Variants in DOCK1 observed in about 807,000 individuals in gnomAD.
DOCK1 encodes dedicator of cytokinesis 1, also known as dedicator of cytokinesis protein 1.
Under a neutral mutation model 262.7 loss-of-function variants are expected in DOCK1, and 138 were observed. The ratio of observed to expected loss-of-function variants is 0.53; its 90% CI spans 0.46 to 0.61. The LOEUF (loss-of-function observed/expected upper bound fraction) is 0.61, where lower values mean the gene tolerates loss of function less well. DOCK1 is among the 20% of genes least tolerant of loss of function. The probability of loss-of-function intolerance (pLI) is 0.00; values close to 1 mark genes in which losing one functional copy is unlikely to be tolerated. For synonymous variants in DOCK1, 866 were observed against 867.4 expected (o/e 1.00, Z 0.03); for missense variants, 1,908 against 2,370.7 (o/e 0.80, Z 4.05).
chr10:127,137,959 G>A (rs781443266), intron 27 of DOCK1: 2 of 1,613,862 alleles, frequency 1.2e-6, no homozygotes, highest in African/African-American at 1.3e-5. Flanking sequence ...TCCTCAATAG[G>A]GTGGAGTTTT....
intron 10 of DOCK1, among the ~76,000 whole-genome samples, chr10:127,004,263 AAAC>A (rs1218526770): frequency 6.6e-6 from 1 of 151,672 alleles, no homozygotes; most frequent in Non-Finnish European, 1.5e-5. Flanking sequence ...AAAGAAAACA[AAAC>A]AAAACAAAAC....
chr10:127,182,640 A>G (rs183280973), intron 27 of DOCK1, among the ~76,000 whole-genome samples: 10 of 152,350 alleles, frequency 6.6e-5, no homozygotes, highest in Admixed American at 5.9e-4. Flanking sequence ...ACATTATGTC[A>G]ATGTAAAAAA....
chr10:127,281,462 C>G (rs2060960392), intron 29 of DOCK1, among the ~76,000 whole-genome samples: 1 of 152,170 alleles, frequency 6.6e-6, no homozygotes. Flanking sequence ...CCTGGAAGAA[C>G]TCAGAAGGAC....
intron 29 of DOCK1, among the ~76,000 whole-genome samples, chr10:127,314,927 C>G (rs1375216560): frequency 2.6e-5 from 4 of 152,212 alleles, no homozygotes; most frequent in African/African-American, 9.7e-5. Context: ...CTGCCACTCA[C>G]ATGGGCAGAC....
Position 127,106,222 on chromosome 10 carries a change from G to C in DOCK1, c.2446-9G>C, listed in dbSNP as rs1234437050. 3.2e-6 allele frequency: 5 copies of C among 1,578,430 alleles called. No individual in the cohort carries two copies. Among genetic ancestry groups the C allele is most frequent in the Non-Finnish European group, 4.3e-6 (5 of 1,160,058 alleles). ...ATGCTGCTCAGCCTTCTTGTTTCTTGATTTGCAGGGGGCAGCACTGAAATA... is the reference window on the plus strand; with the variant it reads ...ATGCTGCTCAGCCTTCTTGTTTCTTCATTTGCAGGGGGCAGCACTGAAATA... On this transcript the variant is annotated splice_polypyrimidine_tract_variant and intron_variant, in intron 23 of 51. Transcript: ENST00000623213.
chr10:127,192,236 T>A (rs187902038), intron 27 of DOCK1, among the ~76,000 whole-genome samples: 2 of 152,274 alleles, frequency 1.3e-5, no homozygotes, highest in Admixed American at 1.3e-4. Flanking sequence ...GAATAAACAG[T>A]TCAGTGCTCT....
chr10:127,302,576 A>G (rs540601782), intron 29 of DOCK1, among the ~76,000 whole-genome samples: 1 of 152,204 alleles, frequency 6.6e-6, no homozygotes, highest in African/African-American at 2.4e-5. Flanking sequence ...ACCGTAGCCT[A>G]GAAATCGTAG....
At chr10:127,081,953 T>C (rs111567055) in intron 23 of DOCK1, among the ~76,000 whole-genome samples, 250 of 152,280 alleles carry the variant, frequency 1.6e-3, no homozygotes, top group Non-Finnish European at 2.7e-3. Flanking sequence ...GCGATGCTCA[T>C]ACATGTGGTG....
intron 27 of DOCK1, among the ~76,000 whole-genome samples, chr10:127,207,613 G>T (rs773342012): frequency 6.6e-6 from 1 of 152,132 alleles, no homozygotes; most frequent in African/African-American, 2.4e-5. Flanking sequence ...TATTATCTAC[G>T]TGTTGATTGA....
Position 127,451,492 on chromosome 10 carries a change from T to C in DOCK1, c.*65T>C, listed in dbSNP as rs1201528083. On this transcript the variant is annotated 3_prime_UTR_variant, in exon 52 of 52. Coordinates refer to ENST00000623213, the MANE Select transcript of DOCK1 (RefSeq NM_001290223.2). ...CATCTCCATGCCCTCTCCTTCTGTGTCCCCTGAGTCTGCTGTTTACCTCAT... is the reference window on the plus strand; with the variant it reads ...CATCTCCATGCCCTCTCCTTCTGTGCCCCCTGAGTCTGCTGTTTACCTCAT... 1.3e-6 allele frequency: 2 copies of C among 1,546,586 alleles called. No homozygotes were observed. Among genetic ancestry groups the C allele is most frequent in the Non-Finnish European group, 1.7e-6 (2 of 1,146,148 alleles).
intron 28 of DOCK1, among the ~76,000 whole-genome samples, chr10:127,251,345 A>G (rs564058632): frequency 2.0e-5 from 3 of 152,204 alleles, no homozygotes; most frequent in Admixed American, 1.3e-4. Flanking sequence ...TCGTATTTCA[A>G]TATGAAAGTG....
intron 27 of DOCK1, among the ~76,000 whole-genome samples, chr10:127,144,980 A>C (rs1282839491): frequency 1.3e-5 from 2 of 152,182 alleles, no homozygotes; most frequent in Admixed American, 6.5e-5. Context: ...CAGATATCCT[A>C]GCTGTATATT....
intron 29 of DOCK1, among the ~76,000 whole-genome samples, chr10:127,260,444 TAC>T (rs781494150): frequency 3.3e-5 from 5 of 152,244 alleles, no homozygotes; most frequent in Non-Finnish European, 7.3e-5. Context: ...GTAAAATCCC[TAC>T]AGTTTATTTT....
At chr10:127,291,238 C>A (rs183494224) in intron 29 of DOCK1, among the ~76,000 whole-genome samples, 3 of 152,200 alleles carry the variant, frequency 2.0e-5, no homozygotes, top group African/African-American at 7.2e-5. Context: ...ACTGGACAGA[C>A]CATTTGCACA....
At chr10:127,259,481 A>G (rs2059940286) in intron 29 of DOCK1, among the ~76,000 whole-genome samples, 1 of 152,232 alleles carries the variant, frequency 6.6e-6, no homozygotes, top group Non-Finnish European at 1.5e-5. Flanking sequence ...TCCTGGAGCC[A>G]TAGATCTCAT....
At chr10:127,431,205 G>A (rs2069261842) in intron 47 of DOCK1, among the ~76,000 whole-genome samples, 1 of 152,196 alleles carries the variant, frequency 6.6e-6, no homozygotes, top group Non-Finnish European at 1.5e-5. Context: ...CACAGTGTCT[G>A]GCCGTGGAGT....
rs755108989 is a variant in DOCK1, at chr10:127,404,428, G to A, written c.4121G>A (p.Arg1374Gln). Residue 1374 changes from arginine to glutamine, a missense_variant and splice_region_variant, in exon 40 of 52, where the codon CGG (arginine) becomes CAG (glutamine). This residue lies in a region of DOCK1 where 267 missense variants were observed against 366.3 expected (regional missense o/e 0.73). Coordinates refer to ENST00000623213, the MANE Select transcript of DOCK1 (RefSeq NM_001290223.2). The part of the protein sequence containing the change: ...YYGQGFPTFL[R>Q]GKVFIYRGKE... Reference sequence around the variant, plus strand: ...GGACAAGGGTTCCCCACATTCCTGCGGGTAAAGTTTGGTTCTGCCTAATCT... The same window carrying A: ...GGACAAGGGTTCCCCACATTCCTGCAGGTAAAGTTTGGTTCTGCCTAATCT... 1.2e-5 allele frequency: 20 copies of A among 1,612,648 alleles called. No individual in the cohort carries two copies. In the East Asian group the frequency reaches 2.5e-4, roughly 20 times the overall value.
At chr10:127,319,487 A>G (rs1590422116) in intron 29 of DOCK1, among the ~76,000 whole-genome samples, 1 of 152,368 alleles carries the variant, frequency 6.6e-6, no homozygotes, top group East Asian at 1.9e-4. Flanking sequence ...TAAATCACTT[A>G]GCATTAAGAA....
chr10:127,312,566 G>A (rs1418055829), intron 29 of DOCK1, among the ~76,000 whole-genome samples: 1 of 152,032 alleles, frequency 6.6e-6, no homozygotes, highest in African/African-American at 2.4e-5. Flanking sequence ...GTGTGCACTG[G>A]GCCAAGGGTC....
Sources: allele counts gnomAD v4.1 joint callset (sites outside exome capture counted in the v4.1 genomes callset), GRCh38; gene constraint gnomAD v4.1.1; regional missense constraint gnomAD v4.1.1; transcripts MANE v1.5; gene names NCBI Gene and HGNC (gene_info 2026-07-23, HGNC 2026-07-21).